Variants in IL1RAPL2 observed in about 807,000 individuals in gnomAD.
IL1RAPL2 encodes the protein interleukin 1 receptor accessory protein like 2.
Under a neutral mutation model 44.1 loss-of-function variants are expected in IL1RAPL2, and 3 were observed. The observed-to-expected ratio is 0.07, with a 90% CI of 0.03 to 0.18. IL1RAPL2 has a LOEUF of 0.18. Among genes scored for constraint, IL1RAPL2 ranks in the 10% least tolerant of loss-of-function variants. The pLI is 1.00. For synonymous variants in IL1RAPL2, 181 were observed against 178.8 expected, an observed-to-expected ratio of 1.01 and a Z score of -0.10; for missense variants, 391 against 496.4, an observed-to-expected ratio of 0.79 and a Z score of 2.02.
At chrX:105,464,545 T>G in intron 5 of IL1RAPL2, among the ~76,000 whole-genome samples, 1 of 111,458 alleles carries the variant, frequency 9.0e-6, no homozygotes, top group Non-Finnish European at 1.9e-5. Flanking sequence ...ACTTCTAATA[T>G]TAAACGTTGA....
intron 2 of IL1RAPL2, among the ~76,000 whole-genome samples, chrX:105,174,553 T>C (rs1487464964): frequency 9.0e-6 from 1 of 111,671 alleles, no homozygotes; most frequent in Non-Finnish European, 1.9e-5. Context: ...GTATCTTTCT[T>C]TACCCTTTTG....
At chrX:105,502,882 T>A (rs1254101429) in intron 6 of IL1RAPL2, among the ~76,000 whole-genome samples, 17 of 110,845 alleles carry the variant, frequency 1.5e-4, no homozygotes, top group Non-Finnish European at 3.2e-4. Flanking sequence ...CAAATGTAGT[T>A]AGCTAAGCGT....
intron 2 of IL1RAPL2, among the ~76,000 whole-genome samples, chrX:104,662,661 C>T (rs1280228697): frequency 9.2e-6 from 1 of 108,695 alleles, no homozygotes; most frequent in East Asian, 2.9e-4. Flanking sequence ...TCACTCAAGA[C>T]CTTCTATTTA....
intron 2 of IL1RAPL2, among the ~76,000 whole-genome samples, chrX:104,873,404 A>G (rs1922815398): frequency 8.9e-6 from 1 of 111,850 alleles, no homozygotes; most frequent in Non-Finnish European, 1.9e-5. Flanking sequence ...TGTATATATC[A>G]TTTTGCTTCA....
At chrX:105,573,381 A>T (rs1410828937) in intron 6 of IL1RAPL2, among the ~76,000 whole-genome samples, 1 of 111,569 alleles carries the variant, frequency 9.0e-6, no homozygotes, top group Non-Finnish European at 1.9e-5. Flanking sequence ...AATTCAGTGG[A>T]CTTACATGAT....
chrX:105,117,641 TA>T, intron 2 of IL1RAPL2, among the ~76,000 whole-genome samples: 1 of 111,611 alleles, frequency 9.0e-6, no homozygotes, highest in Non-Finnish European at 1.9e-5. Context: ...GATGGTTTTA[TA>T]AGGGGCTTTT....
intron 2 of IL1RAPL2, among the ~76,000 whole-genome samples, chrX:105,157,876 T>C (rs1401297535): frequency 8.9e-6 from 1 of 112,416 alleles, no homozygotes; most frequent in Non-Finnish European, 1.9e-5. Flanking sequence ...TAAGATATGC[T>C]TCCAGCTGTT....
At chrX:105,120,159 GA>G (rs762135087) in intron 2 of IL1RAPL2, among the ~76,000 whole-genome samples, 146 of 107,630 alleles carry the variant, frequency 1.4e-3, no homozygotes, top group South Asian at 2.1e-3. Flanking sequence ...GGGGCTGCAA[GA>G]TAGCTTCTTT....
chrX:104,576,003 C>T (rs1008293690), intron 1 of IL1RAPL2, among the ~76,000 whole-genome samples: 1 of 111,936 alleles, frequency 8.9e-6, no homozygotes, highest in Non-Finnish European at 1.9e-5. Context: ...GTAGTTGTGA[C>T]ACAGAATTTA....
intron 2 of IL1RAPL2, among the ~76,000 whole-genome samples, chrX:105,077,797 C>G (rs973186716): frequency 9.0e-6 from 1 of 111,218 alleles, no homozygotes; most frequent in Non-Finnish European, 1.9e-5. Context: ...CATTTGTCTT[C>G]CATCACTGAT....
intron 5 of IL1RAPL2, among the ~76,000 whole-genome samples, chrX:105,269,708 C>G (rs1407055828): frequency 9.0e-6 from 1 of 111,661 alleles, no homozygotes; most frequent in African/African-American, 3.2e-5. Flanking sequence ...TGACCATGCA[C>G]AAAGCGTCGC....
At chrX:105,601,002 T>C (rs1402180492) in intron 6 of IL1RAPL2, among the ~76,000 whole-genome samples, 1 of 111,909 alleles carries the variant, frequency 8.9e-6, no homozygotes, top group Non-Finnish European at 1.9e-5. Context: ...TCGCATTTTC[T>C]TACTTGAGAA....
At chrX:104,914,618 A>C (rs1447202430) in intron 2 of IL1RAPL2, among the ~76,000 whole-genome samples, 1 of 110,923 alleles carries the variant, frequency 9.0e-6, no homozygotes, top group Non-Finnish European at 1.9e-5. Context: ...CACAATGTGC[A>C]GGTTAGTTAC....
chrX:104,924,151 G>A (rs758046464), intron 2 of IL1RAPL2, among the ~76,000 whole-genome samples: 28 of 110,456 alleles, frequency 2.5e-4, no homozygotes, highest in Admixed American at 4.8e-4. Context: ...AGAGTATCGA[G>A]ACTCACAAAA....
At chrX:104,920,779 AT>A (rs1325824150) in intron 2 of IL1RAPL2, among the ~76,000 whole-genome samples, 1 of 110,088 alleles carries the variant, frequency 9.1e-6, no homozygotes, top group Non-Finnish European at 1.9e-5. Flanking sequence ...ATTTACATAC[AT>A]TTTAAAAACA....
chrX:105,558,291 G>T (rs1463742332), intron 6 of IL1RAPL2, among the ~76,000 whole-genome samples: 1 of 111,617 alleles, frequency 9.0e-6, no homozygotes, highest in African/African-American at 3.3e-5. Context: ...CAGGGTTGTT[G>T]TAACAAGTAA....
intron 2 of IL1RAPL2, among the ~76,000 whole-genome samples, chrX:105,098,722 T>C (rs1049379632): frequency 8.9e-6 from 1 of 112,240 alleles, no homozygotes; most frequent in African/African-American, 3.2e-5. Flanking sequence ...TGACTTTTTC[T>C]TCCCCTTCTG....
At chrX:105,523,478 A>G (rs904527401) in intron 6 of IL1RAPL2, among the ~76,000 whole-genome samples, 1 of 110,519 alleles carries the variant, frequency 9.0e-6, no homozygotes, top group African/African-American at 3.4e-5. Context: ...CATTAGAAAC[A>G]CATCTGTGTT....
intron 3 of IL1RAPL2, among the ~76,000 whole-genome samples, chrX:105,196,755 A>G (rs782049369): frequency 9.0e-6 from 1 of 111,429 alleles, no homozygotes; most frequent in Non-Finnish European, 1.9e-5. Flanking sequence ...AGGATCTAGC[A>G]TCTAGCATCT....
Sources: allele counts gnomAD v4.1 joint callset (sites outside exome capture counted in the v4.1 genomes callset), GRCh38; gene constraint gnomAD v4.1.1; transcripts MANE v1.5; gene names NCBI Gene and HGNC (gene_info 2026-07-23, HGNC 2026-07-21).